RALYL: variants seen among roughly 807,000 people sequenced by gnomAD.
The protein encoded by RALYL is RALY RNA binding protein like.
RALYL carries 29 observed loss-of-function variants against 35.1 expected under a neutral mutation model. The ratio of observed to expected loss-of-function variants is 0.83; its 90% CI spans 0.61 to 1.13. The LOEUF (loss-of-function observed/expected upper bound fraction) is 1.13. Ranked by LOEUF, RALYL falls within the 50% of genes most tolerant of loss-of-function variation. The pLI, the probability that RALYL is intolerant of heterozygous loss-of-function variation, is 0.00. For missense variants in RALYL, 359 were observed against 360.4 expected, an observed-to-expected ratio of 1.00 and a Z score of 0.03; for synonymous variants, 120 against 127.6, an observed-to-expected ratio of 0.94 and a Z score of 0.40.
intron 2 of RALYL, among the ~76,000 whole-genome samples, chr8:84,741,393 T>A (rs1218387941): frequency 6.6e-6 from 1 of 152,024 alleles, no homozygotes; most frequent in Non-Finnish European, 1.5e-5. Context: ...GGTTACTTTA[T>A]AAATAATGCA....
intron 2 of RALYL, among the ~76,000 whole-genome samples, chr8:84,597,390 A>C: frequency 6.6e-6 from 1 of 152,194 alleles, no homozygotes; most frequent in Middle Eastern, 3.4e-3. Context: ...TTAATTATCA[A>C]ATTCTGTTTT....
intron 2 of RALYL, among the ~76,000 whole-genome samples, chr8:84,629,569 A>G (rs1823480975): frequency 6.6e-6 from 1 of 152,048 alleles, no homozygotes. Flanking sequence ...GCAAACAATG[A>G]AAATGGTACA....
At chr8:84,275,332 A>G (rs1339690352) in intron 1 of RALYL, among the ~76,000 whole-genome samples, 1 of 152,124 alleles carries the variant, frequency 6.6e-6, no homozygotes, top group East Asian at 1.9e-4. Context: ...AGTAGGAATT[A>G]TACATGAATT....
chr8:84,311,638 A>G (rs937185566), intron 1 of RALYL, among the ~76,000 whole-genome samples: 5 of 152,186 alleles, frequency 3.3e-5, no homozygotes, highest in Non-Finnish European at 7.4e-5. Context: ...TAGGATCCCA[A>G]TAAAATACCA....
chr8:84,235,767 C>CTTTTTTTTT (rs556495836), intron 1 of RALYL, among the ~76,000 whole-genome samples: 1 of 126,936 alleles, frequency 7.9e-6, no homozygotes, highest in Non-Finnish European at 1.6e-5. Flanking sequence ...TTTTCTTTTT[C>CTTTTTTTTT]TTTTTTTTTT....
At chr8:84,559,142 A>AT (rs970040980) in intron 2 of RALYL, among the ~76,000 whole-genome samples, 2 of 151,700 alleles carry the variant, frequency 1.3e-5, no homozygotes, top group Non-Finnish European at 2.9e-5. Flanking sequence ...TTACTGAGTG[A>AT]TATTTTTTAT....
At chr8:84,497,574 TAC>T (rs1475023128) in intron 1 of RALYL, among the ~76,000 whole-genome samples, 1 of 152,008 alleles carries the variant, frequency 6.6e-6, no homozygotes, top group African/African-American at 2.4e-5. Flanking sequence ...GTTTTTTTCA[TAC>T]ACACAATTTC....
chr8:84,482,639 G>C (rs1247181556), intron 1 of RALYL, among the ~76,000 whole-genome samples: 1 of 151,964 alleles, frequency 6.6e-6, no homozygotes, highest in Admixed American at 6.6e-5. Flanking sequence ...ACAAAGAGCT[G>C]TATACCCCAA....
At chr8:84,496,694 A>G (rs913937678) in intron 1 of RALYL, among the ~76,000 whole-genome samples, 1 of 152,128 alleles carries the variant, frequency 6.6e-6, no homozygotes, top group African/African-American at 2.4e-5. Flanking sequence ...ATCTGTATCT[A>G]TCATCTATCT....
At chr8:84,806,554 G>GA (rs1327690022) in intron 4 of RALYL, among the ~76,000 whole-genome samples, 4 of 138,106 alleles carry the variant, frequency 2.9e-5, no homozygotes, top group African/African-American at 1.1e-4. Flanking sequence ...AGAACCCTGA[G>GA]AAAATCTCTC....
At chr8:84,826,812 G>T (rs1208066597) in intron 4 of RALYL, among the ~76,000 whole-genome samples, 1 of 151,778 alleles carries the variant, frequency 6.6e-6, no homozygotes, top group African/African-American at 2.4e-5. Flanking sequence ...TGACAGCCAG[G>T]TTTTTGATGC....
At chr8:84,240,798 G>A (rs569923065) in intron 1 of RALYL, among the ~76,000 whole-genome samples, 5 of 152,094 alleles carry the variant, frequency 3.3e-5, no homozygotes, top group Non-Finnish European at 7.4e-5. Context: ...ATTTGAGAAT[G>A]AACTATATCC....
chr8:84,362,672 A>C (rs1451803253), intron 1 of RALYL, among the ~76,000 whole-genome samples: 1 of 152,102 alleles, frequency 6.6e-6, no homozygotes, highest in Non-Finnish European at 1.5e-5. Context: ...CTTTTATCCC[A>C]AAAATCATCT....
intron 1 of RALYL, among the ~76,000 whole-genome samples, chr8:84,221,639 T>C (rs929447123): frequency 1.2e-4 from 18 of 152,094 alleles, no homozygotes; most frequent in Non-Finnish European, 2.6e-4. Context: ...TTCACAGTAA[T>C]GCTAAATAAA....
chr8:84,413,050 A>G lies in RALYL; in HGVS notation c.-23-116249A>G, dbSNP rs371743532. Among the ~76,000 whole-genome samples the G allele has an allele frequency of 1.5e-3, 228 of 151,502 alleles. 2 individuals are homozygous for G. Among genetic ancestry groups the G allele is most frequent in the African/African-American group, 4.5e-3 (185 of 41,472 alleles). ...AAAAGTTTTCCCTAATTAAATGCTT[A>G]CTATCATCCCTTTCTCACTGCTATT... On this transcript the variant is annotated intron_variant, in intron 1 of 8. Coordinates refer to ENST00000521268, the MANE Select transcript of RALYL (RefSeq NM_173848.7).
At chr8:84,214,627 A>G (rs930744953) in intron 1 of RALYL, among the ~76,000 whole-genome samples, 2 of 152,066 alleles carry the variant, frequency 1.3e-5, no homozygotes, top group Non-Finnish European at 2.9e-5. Context: ...AATATACCTA[A>G]CTGGCAAGAG....
At chr8:84,850,709 C>T (rs982359741) in intron 5 of RALYL, among the ~76,000 whole-genome samples, 3 of 152,168 alleles carry the variant, frequency 2.0e-5, no homozygotes, top group Admixed American at 1.3e-4. Flanking sequence ...GTAGTTGAAA[C>T]AGTGCATGCC....
At chr8:84,730,787 G>T (rs942482801) in intron 2 of RALYL, among the ~76,000 whole-genome samples, 4 of 152,034 alleles carry the variant, frequency 2.6e-5, no homozygotes, top group African/African-American at 9.7e-5. Flanking sequence ...TGATTTGAAA[G>T]CCACAAGACT....
intron 1 of RALYL, among the ~76,000 whole-genome samples, chr8:84,379,336 C>T (rs2131579348): frequency 6.6e-6 from 1 of 151,922 alleles, no homozygotes; most frequent in South Asian, 2.1e-4. Flanking sequence ...GGTTTAAATG[C>T]AGTGGTTTAT....
Sources: allele counts gnomAD v4.1 joint callset (sites outside exome capture counted in the v4.1 genomes callset), GRCh38; gene constraint gnomAD v4.1.1; transcripts MANE v1.5; gene names NCBI Gene and HGNC (gene_info 2026-07-23, HGNC 2026-07-21).